RSPO2: variants seen among roughly 807,000 people sequenced by gnomAD.
The protein encoded by RSPO2 is R-spondin-2.
A neutral mutation model predicts 30.9 loss-of-function variants in RSPO2; 14 were observed. The observed-to-expected ratio is 0.45, with a 90% CI of 0.30 to 0.71. The LOEUF is 0.71. Among genes scored for constraint, RSPO2 ranks in the 30% least tolerant of loss-of-function variants. The pLI, the probability that RSPO2 is intolerant of heterozygous loss-of-function variation, is 0.08. For synonymous variants in RSPO2, 107 were observed against 96.4 expected, an observed-to-expected ratio of 1.11 and a Z score of -0.64; for missense variants, 264 against 301.9, an observed-to-expected ratio of 0.87 and a Z score of 0.93.
chr8:108,045,591 T>C (rs770973102), intron 2 of RSPO2, among the ~76,000 whole-genome samples: 6 of 152,180 alleles, frequency 3.9e-5, no homozygotes, highest in Non-Finnish European at 7.4e-5. Context: ...GTATGTTTCA[T>C]TCACTATCCA....
intron 5 of RSPO2, among the ~76,000 whole-genome samples, chr8:107,902,425 A>G (rs1811507228): frequency 6.6e-6 from 1 of 152,134 alleles, no homozygotes; most frequent in Non-Finnish European, 1.5e-5. Flanking sequence ...CATCCTTCCC[A>G]TACCTGTAAA....
chr8:107,906,246 A>T (rs601273), intron 5 of RSPO2, among the ~76,000 whole-genome samples: 1,779 of 152,058 alleles, frequency 0.012, 18 homozygotes, highest in Non-Finnish European at 0.018. Context: ...TACTGAAAAA[A>T]TTGTAATGTA....
intron 5 of RSPO2, among the ~76,000 whole-genome samples, chr8:107,927,789 T>TTCGG (rs1161762684): frequency 2.0e-5 from 3 of 151,654 alleles, no homozygotes; most frequent in Non-Finnish European, 2.9e-5. Flanking sequence ...TACTGCTGGA[T>TTCGG]TCGGTTTTCC....
chr8:108,028,543 T>C (rs1485502754), intron 2 of RSPO2, among the ~76,000 whole-genome samples: 1 of 151,954 alleles, frequency 6.6e-6, no homozygotes, highest in East Asian at 1.9e-4. Flanking sequence ...GAGAGGAGAG[T>C]TCTCTGTGTG....
chr8:108,062,961 G>C (rs1246283956), intron 2 of RSPO2, among the ~76,000 whole-genome samples: 4 of 151,894 alleles, frequency 2.6e-5, no homozygotes, highest in Non-Finnish European at 4.4e-5. Context: ...TGCAGAAAAG[G>C]ACTTTGACAA....
chr8:107,981,444 C>T (rs1040034854), intron 3 of RSPO2, among the ~76,000 whole-genome samples: 1 of 151,880 alleles, frequency 6.6e-6, no homozygotes, highest in Non-Finnish European at 1.5e-5. Context: ...TTACTTGAAC[C>T]CAGGAAGCGG....
At chr8:107,963,522 C>CAACAAAAAAAAAAAA in intron 3 of RSPO2, among the ~76,000 whole-genome samples, 1 of 32,020 alleles carries the variant, frequency 3.1e-5, no homozygotes, top group South Asian at 1.9e-3. Context: ...AGACCTGTCT[C>CAACAAAAAAAAAAAA]AAAAAAAAAA....
intron 2 of RSPO2, among the ~76,000 whole-genome samples, chr8:108,014,151 T>C (rs564120045): frequency 1.3e-5 from 2 of 152,250 alleles, no homozygotes; most frequent in East Asian, 1.9e-4. Context: ...ATACACCATC[T>C]CACGCCAGTT....
chr8:108,017,625 C>G (rs930728412), intron 2 of RSPO2, among the ~76,000 whole-genome samples: 1 of 152,124 alleles, frequency 6.6e-6, no homozygotes, highest in Admixed American at 6.6e-5. Context: ...GGGGAAGTAA[C>G]AAGAAGGCAT....
intron 2 of RSPO2, among the ~76,000 whole-genome samples, chr8:108,066,839 C>T (rs1812687549): frequency 6.6e-6 from 1 of 152,174 alleles, no homozygotes; most frequent in South Asian, 2.1e-4. Context: ...GGTGATTGGG[C>T]TGGTACCACA....
intron 5 of RSPO2, among the ~76,000 whole-genome samples, chr8:107,948,107 A>G (rs1813124508): frequency 6.6e-6 from 1 of 152,196 alleles, no homozygotes; most frequent in South Asian, 2.1e-4. Flanking sequence ...TAACAATGTC[A>G]TCTTTACCTG....
At chr8:108,016,677 C>T (rs1175025700) in intron 2 of RSPO2, among the ~76,000 whole-genome samples, 2 of 152,176 alleles carry the variant, frequency 1.3e-5, no homozygotes, top group Non-Finnish European at 2.9e-5. Flanking sequence ...TGTGTCTCCA[C>T]CAAATCTCAC....
At chr8:108,076,458 G>A (rs1813017198) in intron 2 of RSPO2, among the ~76,000 whole-genome samples, 1 of 152,196 alleles carries the variant, frequency 6.6e-6, no homozygotes, top group African/African-American at 2.4e-5. Flanking sequence ...GAGTCTATGA[G>A]AGCCTGAGCT....
chr8:108,054,989 T>C (rs908003365), intron 2 of RSPO2, among the ~76,000 whole-genome samples: 2 of 152,006 alleles, frequency 1.3e-5, no homozygotes, highest in Admixed American at 6.5e-5. Context: ...GGTGTGGTGG[T>C]GCGTGCCTGT....
Position 107,899,447 on chromosome 8 carries a change from G to A in RSPO2, c.*1628C>T, listed in dbSNP as rs1811371094. The A allele has an allele frequency of 6.6e-6, 1 of 152,534 alleles. No homozygotes were observed. The highest frequency in any genetic ancestry group is 2.4e-5 in the African/African-American group (1 of 41,406). The allele number at this position is 152,534 out of a possible 1,614,324, so 9.4% of individuals were successfully genotyped here. On this transcript the variant is annotated 3_prime_UTR_variant, in exon 6 of 6. Coordinates refer to ENST00000276659, the MANE Select transcript of RSPO2 (RefSeq NM_178565.5). ...ATGGGAAAATAGTGTAAATAGACAT[G>A]AAAGGAGGTAACACTTCAGGATTAA...
intron 2 of RSPO2, among the ~76,000 whole-genome samples, chr8:108,043,021 C>CA (rs936179116): frequency 6.6e-5 from 10 of 151,234 alleles, no homozygotes; most frequent in Admixed American, 2.0e-4. Context: ...CCTGAGTATA[C>CA]AAAAAAAACA....
In RSPO2 at chr8:107,960,735, G is replaced by A; in HGVS notation, c.366C>T (p.Gly122=). 1.9e-6 allele frequency: 3 copies of A among 1,613,344 alleles called. No homozygotes were observed. The highest frequency in any genetic ancestry group is 2.5e-6 in the Non-Finnish European group (3 of 1,179,560). The change falls in exon 4 of 6, where the codon GGC becomes GGT. Residue 122 remains glycine, a synonymous_variant. Coordinates refer to ENST00000276659, the MANE Select transcript of RSPO2 (RefSeq NM_178565.5). ...CATCTGGACATTCATCAAAGCAACG[G>A]CCTCTATGCAAATAAAAGCCTACTT... ...KCKVGFYLHR[G]RCFDECPDGF...
intron 3 of RSPO2, among the ~76,000 whole-genome samples, chr8:107,985,223 T>C (rs1487037499): frequency 6.6e-6 from 1 of 152,152 alleles, no homozygotes; most frequent in Non-Finnish European, 1.5e-5. Context: ...TGTAAACTGA[T>C]AAAACTTTTC....
At chr8:107,967,945 C>G (rs1384515965) in intron 3 of RSPO2, among the ~76,000 whole-genome samples, 1 of 152,118 alleles carries the variant, frequency 6.6e-6, no homozygotes, top group Non-Finnish European at 1.5e-5. Context: ...TTATCAGTCT[C>G]TATCTTACAG....
Sources: allele counts gnomAD v4.1 joint callset (sites outside exome capture counted in the v4.1 genomes callset), GRCh38; gene constraint gnomAD v4.1.1; transcripts MANE v1.5; gene names NCBI Gene and HGNC (gene_info 2026-07-23, HGNC 2026-07-21).